CERS6: variants seen among roughly 807,000 people sequenced by gnomAD.
CERS6 encodes the protein LAG1 homolog, ceramide synthase 6.
In CERS6, 26 loss-of-function variants were observed where a neutral mutation model predicts 56.8. That is an observed-to-expected ratio of 0.46 (90% confidence interval 0.34 to 0.63). CERS6 has a LOEUF of 0.63. Ranked by LOEUF, CERS6 falls within the 30% of genes least tolerant of loss-of-function variation. The pLI, the probability that CERS6 is intolerant of heterozygous loss-of-function variation, is 0.01. For missense variants in CERS6, 415 were observed against 467.5 expected, an observed-to-expected ratio of 0.89 and a Z score of 1.04; for synonymous variants, 164 against 173.3, an observed-to-expected ratio of 0.95 and a Z score of 0.42.
intron 1 of CERS6, among the ~76,000 whole-genome samples, chr2:168,457,873 C>T (rs1050096696): frequency 6.6e-6 from 1 of 152,128 alleles, no homozygotes; most frequent in Non-Finnish European, 1.5e-5. Flanking sequence ...ATATTTTTCA[C>T]CGGACAGTAT....
chr2:168,574,965 T>C (rs1313321359), intron 3 of CERS6, among the ~76,000 whole-genome samples: 1 of 152,238 alleles, frequency 6.6e-6, no homozygotes, highest in East Asian at 1.9e-4. Flanking sequence ...CATGATTTTC[T>C]GGCTTTCTGA....
intron 1 of CERS6, among the ~76,000 whole-genome samples, chr2:168,522,705 A>C (rs1468425887): frequency 6.6e-6 from 1 of 152,082 alleles, no homozygotes; most frequent in Non-Finnish European, 1.5e-5. Context: ...CAACTGGCTA[A>C]TTTTTAAATA....
chr2:168,515,315 G>A (rs1449613665), intron 1 of CERS6, among the ~76,000 whole-genome samples: 3 of 151,758 alleles, frequency 2.0e-5, no homozygotes, highest in Non-Finnish European at 2.9e-5. Flanking sequence ...AATCCCCTAT[G>A]TCCAAGCCCG....
intron 5 of CERS6, among the ~76,000 whole-genome samples, chr2:168,693,919 T>C (rs1278300923): frequency 6.6e-6 from 1 of 152,206 alleles, no homozygotes; most frequent in Non-Finnish European, 1.5e-5. Context: ...CAAAGATCTA[T>C]GCAGGACAAC....
chr2:168,626,306 C>T (rs1036591127), intron 3 of CERS6, among the ~76,000 whole-genome samples: 2 of 152,126 alleles, frequency 1.3e-5, no homozygotes, highest in Non-Finnish European at 2.9e-5. Context: ...GCCCTGGTCT[C>T]CCTAGAACAT....
chr2:168,556,732 A>G (rs909712407), intron 2 of CERS6, among the ~76,000 whole-genome samples: 3 of 152,164 alleles, frequency 2.0e-5, no homozygotes, highest in Non-Finnish European at 4.4e-5. Context: ...GTAATATGCT[A>G]TTATATTATT....
chr2:168,488,699 T>C (rs952403849), intron 1 of CERS6, among the ~76,000 whole-genome samples: 2 of 152,088 alleles, frequency 1.3e-5, no homozygotes, highest in African/African-American at 4.8e-5. Context: ...TATTAGCTAT[T>C]TTGCTATCTT....
chr2:168,758,121 C>G (rs10189316), intron 8 of CERS6, among the ~76,000 whole-genome samples: 1 of 152,110 alleles, frequency 6.6e-6, no homozygotes, highest in Non-Finnish European at 1.5e-5. Flanking sequence ...ATGGACAAAA[C>G]GTGCTAGCAG....
intron 4 of CERS6, among the ~76,000 whole-genome samples, chr2:168,634,419 TG>T (rs1210287547): frequency 5.9e-5 from 9 of 152,192 alleles, no homozygotes; most frequent in African/African-American, 2.2e-4. Flanking sequence ...TTTGTTTGTT[TG>T]TTTGTTTTTT....
intron 8 of CERS6, among the ~76,000 whole-genome samples, chr2:168,739,052 ATTTTTTTTTTTTTT>A (rs59967315): frequency 1.5e-4 from 13 of 87,644 alleles, no homozygotes; most frequent in Admixed American, 6.6e-4. Context: ...CACCCGGCTA[ATTTTTTTTTTTTTT>A]TTTTTTTTTT....
At chr2:168,718,013 CCTTTCCAAATAAG>C in intron 8 of CERS6, 35 bp downstream of exon 8, 1 of 1,432,696 alleles carries the variant, frequency 7.0e-7, no homozygotes, top group Admixed American at 1.9e-5. Context: ...ATAGAGCCAC[CCTTTCCAAATAAG>C]CTTTCTGAAC....
chr2:168,742,302 A>G (rs1683936405), intron 8 of CERS6, among the ~76,000 whole-genome samples: 1 of 152,202 alleles, frequency 6.6e-6, no homozygotes, highest in Non-Finnish European at 1.5e-5. Flanking sequence ...TTGGCAGTAA[A>G]CAGGCCAAAT....
chr2:168,698,746 GTA>G (rs1194803662), intron 6 of CERS6, among the ~76,000 whole-genome samples: 1 of 152,074 alleles, frequency 6.6e-6, no homozygotes, highest in Non-Finnish European at 1.5e-5. Flanking sequence ...GTATCATTTT[GTA>G]TTACTTTAAC....
At position 168,465,103 on chromosome 2, in the gene CERS6, G is replaced by A. The variant is rs558583619; in HGVS notation, c.170+8485G>A. 4.6e-5 allele frequency among the ~76,000 whole-genome samples: 7 copies of A among 152,318 alleles called. No individual in the cohort carries two copies. The South Asian group carries it at 8.3e-4, about 18-fold the overall frequency. ...ACACCCATGTTCATCATTCACAATA[G>A]CCAAAAGGTGGGAGCAACCAAAGTG... On this transcript the variant is annotated intron_variant, in intron 1 of 9. Coordinates refer to ENST00000305747, the MANE Select transcript of CERS6 (RefSeq NM_203463.3).
intron 1 of CERS6, among the ~76,000 whole-genome samples, chr2:168,483,699 G>T (rs1478884438): frequency 6.6e-6 from 1 of 152,150 alleles, no homozygotes; most frequent in Non-Finnish European, 1.5e-5. Context: ...TGAATCCCTG[G>T]GGATTGAAGT....
At chr2:168,631,067 A>G (rs372957778) in intron 4 of CERS6, 25 bp downstream of exon 4, 6 of 1,226,790 alleles carry the variant, frequency 4.9e-6, no homozygotes, top group Admixed American at 2.0e-5. Flanking sequence ...ACTATTTTAC[A>G]TGATTCTTAT....
intron 6 of CERS6, among the ~76,000 whole-genome samples, chr2:168,707,957 A>C (rs1162179224): frequency 1.3e-5 from 2 of 152,090 alleles, no homozygotes; most frequent in Non-Finnish European, 2.9e-5. Context: ...CTGGTACTAC[A>C]TTTCATTTTT....
chr2:168,639,442 G>A (rs1157494421), intron 4 of CERS6, among the ~76,000 whole-genome samples: 2 of 152,196 alleles, frequency 1.3e-5, no homozygotes, highest in African/African-American at 2.4e-5. Flanking sequence ...TGAATTTAGC[G>A]AGGAAAGCAT....
chr2:168,579,903 C>T (rs773652654), intron 3 of CERS6, among the ~76,000 whole-genome samples: 3 of 152,156 alleles, frequency 2.0e-5, no homozygotes, highest in Non-Finnish European at 4.4e-5. Flanking sequence ...CTGGAACGTT[C>T]TGCTCCACAT....
Sources: gnomAD v4.1 joint callset for allele counts (sites outside exome capture counted in the v4.1 genomes callset) on GRCh38, gnomAD v4.1.1 for gene constraint, MANE v1.5 for transcripts, NCBI Gene and HGNC (gene_info 2026-07-23, HGNC 2026-07-21) for gene names.